Variants in MYOM2 observed in about 807,000 individuals in gnomAD.
MYOM2 encodes the protein myomesin 2, also known as myomesin-2.
In MYOM2, 254 loss-of-function variants were observed where a neutral mutation model predicts 187.6. That is an observed-to-expected ratio of 1.35 (90% CI 1.22 to 1.50). The LOEUF (loss-of-function observed/expected upper bound fraction) is 1.50. Among genes scored for constraint, MYOM2 ranks in the 40% most tolerant of loss-of-function variants. MYOM2 has a pLI of 0.00. For missense variants in MYOM2, 2,796 were observed against 1,924.0 expected, an observed-to-expected ratio of 1.45 and a Z score of -8.48; for synonymous variants, 981 against 753.8, an observed-to-expected ratio of 1.30 and a Z score of -4.94.
chr8:2,142,532 A>G (rs1484817194), intron 35 of MYOM2, 135 bp downstream of exon 35: 2 of 850,458 alleles, frequency 2.4e-6, no homozygotes, highest in Non-Finnish European at 4.1e-6. Flanking sequence ...AACGCCACCA[A>G]CACCACACCC....
chr8:2,099,671 C>T (rs543860435), intron 19 of MYOM2, among the ~76,000 whole-genome samples: 4 of 152,202 alleles, frequency 2.6e-5, no homozygotes, highest in Non-Finnish European at 5.9e-5. Context: ...CTTCCTGCCT[C>T]AGCCTTATGA....
chr8:2,052,166 C>T lies in MYOM2; in HGVS notation c.116C>T (p.Ser39Phe). ...TGTCCATGTTCCTGAAGGCGAGCTT[C>T]CACCCAGGCATCTTCCCAGAAGTCC... The part of the protein sequence containing the change: ...LDEYASKKRA[S>F]TQASSQKSLS... The change falls in exon 3 of 37, where the codon TCC becomes TTC. Residue 39 changes from serine (S) to phenylalanine (F), a missense_variant. Coordinates refer to ENST00000262113, the MANE Select transcript of MYOM2 (RefSeq NM_003970.4). The T allele has an allele frequency of 6.2e-7, 1 of 1,613,298 alleles. No homozygotes were observed.
Position 2,123,607 on chromosome 8 carries a change from G to T in MYOM2, c.3620G>T (p.Gly1207Val). The change falls in exon 30 of 37, where the codon GGC becomes GTC. Residue 1207 changes from glycine (G) to valine (V), a missense_variant. Gly to Val is a moderately radical substitution (Grantham distance 109). Coordinates refer to ENST00000262113, the MANE Select transcript of MYOM2 (RefSeq NM_003970.4). ...AAGGCAACCTTGAAAGATGACAGAG[G>T]CCAAGATGTGTCCATCCTTGAAATA... ...EYKATLKDDR[G>V]QDVSILEIAG... 6.2e-7 allele frequency: 1 copy of T among 1,614,158 alleles called. No homozygotes were observed. Among genetic ancestry groups the T allele is most frequent in the Non-Finnish European group, 8.5e-7 (1 of 1,180,016 alleles).
intron 10 of MYOM2, 124 bp downstream of exon 10, chr8:2,073,624 A>G (rs992178425): frequency 6.8e-5 from 82 of 1,200,770 alleles, no homozygotes; most frequent in South Asian, 8.9e-5. Flanking sequence ...TGCTCCTTGG[A>G]GACCCCATGC....
chr8:2,125,586 C>G (rs1797606269), intron 31 of MYOM2, among the ~76,000 whole-genome samples: 1 of 130,922 alleles, frequency 7.6e-6, no homozygotes, highest in South Asian at 2.5e-4. Flanking sequence ...TTGCATACGA[C>G]TTTTAGGATT....
intron 32 of MYOM2, among the ~76,000 whole-genome samples, chr8:2,130,417 A>G (rs73657730): frequency 2.9e-3 from 193 of 67,316 alleles, no homozygotes; most frequent in East Asian, 0.01. Flanking sequence ...GTTAACGCCC[A>G]TCAGTACGCT....
chr8:2,101,698 C>G (rs1444952317), intron 20 of MYOM2, among the ~76,000 whole-genome samples: 1 of 152,092 alleles, frequency 6.6e-6, no homozygotes, highest in Non-Finnish European at 1.5e-5. Flanking sequence ...TGGGCTATGT[C>G]TGTGTGCTTT....
In MYOM2 at chr8:2,143,471, C is replaced by G. The variant is rs534765916; in HGVS notation, c.4080+15C>G. The G allele has an allele frequency of 8.2e-5, 132 of 1,614,082 alleles. 2 individuals carry two copies. In the South Asian group the frequency reaches 1.4e-3, roughly 17 times the overall value. ...TGGAAGGGAAGGTGAGGATTCTAAA[C>G]TCGGCCGGGGTGGGGGTGTCAGCAC... On this transcript the variant is annotated intron_variant, in intron 36 of 36. Transcript: ENST00000262113.
chr8:2,069,959 T>C (rs1375088164), intron 8 of MYOM2, among the ~76,000 whole-genome samples: 1 of 152,156 alleles, frequency 6.6e-6, no homozygotes, highest in African/African-American at 2.4e-5. Flanking sequence ...TTGTAACAAA[T>C]GACTTCAGGT....
intron 1 of MYOM2, among the ~76,000 whole-genome samples, chr8:2,047,272 A>T (rs1818340141): frequency 6.6e-6 from 1 of 152,058 alleles, no homozygotes; most frequent in African/African-American, 2.4e-5. Context: ...ACGTCATCAC[A>T]CCCGGCCAGG....
intron 5 of MYOM2, among the ~76,000 whole-genome samples, chr8:2,058,440 C>G (rs1298844772): frequency 6.6e-6 from 1 of 152,178 alleles, no homozygotes. Flanking sequence ...ATATGGAAAA[C>G]TCATAAGTGG....
intron 28 of MYOM2, among the ~76,000 whole-genome samples, chr8:2,120,696 A>ATATT (rs1491564842): frequency 2.4e-5 from 2 of 84,006 alleles, no homozygotes; most frequent in African/African-American, 4.8e-5. Context: ...ATAAATATAT[A>ATATT]ATATATATAT....
intron 32 of MYOM2, among the ~76,000 whole-genome samples, chr8:2,136,461 T>C (rs1345982048): frequency 6.6e-6 from 1 of 152,214 alleles, no homozygotes. Context: ...GTTTTTACCC[T>C]TCGTCACTGG....
chr8:2,086,248 T>C (rs1161024256), intron 14 of MYOM2, among the ~76,000 whole-genome samples: 1,017 of 21,936 alleles, frequency 0.046, 151 homozygotes, highest in East Asian at 0.18. Context: ...GTTGTGATCT[T>C]TGCGTGGCCC....
At chr8:2,080,658 T>G (rs1164904843) in intron 13 of MYOM2, among the ~76,000 whole-genome samples, 1 of 152,226 alleles carries the variant, frequency 6.6e-6, no homozygotes, top group Non-Finnish European at 1.5e-5. Context: ...GCTTTTTGAG[T>G]CAGCCTGGTA....
intron 23 of MYOM2, among the ~76,000 whole-genome samples, 168 bp downstream of exon 23, chr8:2,106,765 A>G (rs2116803461): frequency 6.6e-6 from 1 of 152,150 alleles, no homozygotes; most frequent in East Asian, 1.9e-4. Flanking sequence ...AATTAAACAA[A>G]CTCTAAAGTT....
At chr8:2,089,749 T>C (rs932903948) in intron 14 of MYOM2, among the ~76,000 whole-genome samples, 1 of 152,258 alleles carries the variant, frequency 6.6e-6, no homozygotes, top group African/African-American at 2.4e-5. Context: ...ATGTTTTCTA[T>C]GGTTTAATTA....
intron 32 of MYOM2, among the ~76,000 whole-genome samples, chr8:2,134,387 C>T (rs1040889904): frequency 3.3e-5 from 5 of 152,214 alleles, no homozygotes; most frequent in African/African-American, 1.2e-4. Flanking sequence ...CAACAAAAGC[C>T]ATGCTGATAC....
rs1045425859 is a variant in MYOM2 at position 2,090,211 on chromosome 8, G to T, written c.1828+20G>T. The T allele has an allele frequency of 3.1e-6, 5 of 1,606,314 alleles. No individual in the cohort carries two copies. Among genetic ancestry groups the T allele is most frequent in the Non-Finnish European group, 4.3e-6 (5 of 1,174,150 alleles). Reference sequence around the variant, plus strand: ...TGACCGGTGAGCTGTCACACTGGGTGGCCCCAAGTCAGGATGGACTAAGAG... The same window carrying T: ...TGACCGGTGAGCTGTCACACTGGGTTGCCCCAAGTCAGGATGGACTAAGAG... On this transcript the variant is annotated intron_variant, in intron 15 of 36. Transcript: ENST00000262113.
Sources: allele counts gnomAD v4.1 joint callset (sites outside exome capture counted in the v4.1 genomes callset), GRCh38; gene constraint gnomAD v4.1.1; transcripts MANE v1.5; gene names NCBI Gene and HGNC (gene_info 2026-07-23, HGNC 2026-07-21).